Variants in ZNF432 observed in about 807,000 individuals in gnomAD.
ZNF432 encodes the protein zinc finger protein 432.
A neutral mutation model predicts 13.9 loss-of-function variants in ZNF432; 10 were observed. The observed-to-expected ratio is 0.72, with a 90% CI of 0.44 to 1.22. The LOEUF is 1.22. Among genes scored for constraint, ZNF432 ranks in the 50% most tolerant of loss-of-function variants. The pLI is 0.00. For synonymous variants in ZNF432, 247 were observed against 256.2 expected (o/e 0.96, Z 0.34); for missense variants, 793 against 796.2 (o/e 1.00, Z 0.05).
chr19:52,047,686 A>C (rs982291372), intron 1 of ZNF432, among the ~76,000 whole-genome samples: 65 of 149,986 alleles, frequency 4.3e-4, no homozygotes, highest in Non-Finnish European at 8.1e-4. Context: ...AAAAAAAAAA[A>C]ATGTTTATAT....
At position 52,033,654 on chromosome 19, in the gene ZNF432, G is replaced by C. The variant is rs577739288; in HGVS notation, c.*66C>G. On this transcript the variant is annotated 3_prime_UTR_variant, in exon 5 of 5. Coordinates refer to ENST00000221315, the MANE Select transcript of ZNF432 (RefSeq NM_014650.4). Reference sequence around the variant, plus strand: ...AGTACACATGTAGAAAATCTATACTGTGAAATCTCTGATGTTGTACAAGGC... The same window carrying C: ...AGTACACATGTAGAAAATCTATACTCTGAAATCTCTGATGTTGTACAAGGC... 6.7e-7 allele frequency: 1 copy of C among 1,498,588 alleles called. No individual in the cohort carries two copies. Among genetic ancestry groups the C allele is most frequent in the African/African-American group, 1.4e-5 (1 of 71,382 alleles). The allele number at this position is 1,498,588 out of a possible 1,614,324, so 92.8% of individuals were successfully genotyped here.
chr19:52,047,118 T>C (rs2087192266), intron 1 of ZNF432, 58 bp from the exon 2 acceptor site: 1 of 438,838 alleles, frequency 2.3e-6, no homozygotes, highest in African/African-American at 2.0e-5. Flanking sequence ...CCCTGAATAT[T>C]TGTCTCTTTA....
intron 1 of ZNF432, among the ~76,000 whole-genome samples, chr19:52,047,708 T>C (rs1436970382): frequency 6.7e-6 from 1 of 148,654 alleles, no homozygotes; most frequent in Non-Finnish European, 1.5e-5. Flanking sequence ...CACACTTCAA[T>C]ATGAAGAACA....
chr19:52,045,154 T>C (rs1600055399), intron 2 of ZNF432, among the ~76,000 whole-genome samples: 1 of 152,174 alleles, frequency 6.6e-6, no homozygotes, highest in Non-Finnish European at 1.5e-5. Flanking sequence ...GTGATTCCAC[T>C]GAAGCAAAAG....
At position 52,033,967 on chromosome 19, in the gene ZNF432, C is replaced by T. The variant is rs764928241; in HGVS notation, c.1712G>A (p.Cys571Tyr). The change falls in exon 5 of 5, where the codon TGT becomes TAT. Residue 571 changes from cysteine (C) to tyrosine (Y), a missense_variant. Transcript: ENST00000221315. The part of the protein sequence containing the change: ...QIHTEEKSCI[C>Y]SECGRGFAKE... ...GGCAAAGCCTCTTCCACATTCACTACATATACAAGATTTCTCTTCTGTATG... is the reference window on the plus strand; with the variant it reads ...GGCAAAGCCTCTTCCACATTCACTATATATACAAGATTTCTCTTCTGTATG... The T allele has an allele frequency of 6.2e-7, 1 of 1,614,158 alleles. No homozygotes were observed. The highest frequency in any genetic ancestry group is 8.5e-7 in the Non-Finnish European group (1 of 1,180,018).
In ZNF432 at chr19:52,032,588, A is replaced by C. The variant is rs2087025498; in HGVS notation, c.*1132T>G. ...GTAGCTGGGATTACAAGCGTGAGCC[A>C]CCATGCTCGGCTAATTTTGTATTTT... On this transcript the variant is annotated 3_prime_UTR_variant, in exon 5 of 5. Transcript: ENST00000221315. The C allele has an allele frequency of 6.6e-6, 1 of 152,120 alleles. No individual in the cohort carries two copies. 9.4% of individuals were successfully genotyped at this position (152,120 alleles called of 1,614,324 possible).
chr19:52,042,418 A>G (rs2087145312), intron 2 of ZNF432, among the ~76,000 whole-genome samples: 1 of 152,044 alleles, frequency 6.6e-6, no homozygotes, highest in Non-Finnish European at 1.5e-5. Context: ...GTGCGGTGGC[A>G]CACACCTGTG....
At chr19:52,045,846 C>T (rs1166767933) in intron 2 of ZNF432, among the ~76,000 whole-genome samples, 1 of 150,676 alleles carries the variant, frequency 6.6e-6, no homozygotes, top group Non-Finnish European at 1.5e-5. Context: ...AATACAAAAA[C>T]TAGCCAGGCA....
chr19:52,044,255 G>A (rs1359324087), intron 2 of ZNF432, among the ~76,000 whole-genome samples: 1 of 152,000 alleles, frequency 6.6e-6, no homozygotes, highest in African/African-American at 2.4e-5. Context: ...GAAAAAAAAT[G>A]TAGGTTTCTA....
Position 52,034,805 on chromosome 19 carries a change from T to C in ZNF432, c.874A>G (p.Asn292Asp). ...CCTGGGAAGCCTTTTCCACATTCAT[T>C]GCATATGTAGGGTTTCTCTCCAGTA... ...THTGEKPYICNECGKGFPGKR... is the reference protein window; with the variant it reads ...THTGEKPYICDECGKGFPGKR... The change falls in exon 5 of 5, where the codon AAT becomes GAT. Residue 292 changes from asparagine (N) to aspartate (D), a missense_variant. Physicochemically the swap from Asn to Asp is conservative, Grantham distance 23 (BLOSUM62 1). Coordinates refer to ENST00000221315, the MANE Select transcript of ZNF432 (RefSeq NM_014650.4). 1.9e-6 allele frequency: 3 copies of C among 1,612,662 alleles called. No individual in the cohort carries two copies. Among genetic ancestry groups the C allele is most frequent in the South Asian group, 2.2e-5 (2 of 90,790 alleles).
intron 2 of ZNF432, among the ~76,000 whole-genome samples, chr19:52,044,332 T>C (rs1416019907): frequency 6.6e-6 from 1 of 151,714 alleles, no homozygotes; most frequent in Non-Finnish European, 1.5e-5. Flanking sequence ...AAAGAACCTG[T>C]GGAAGCAGAA....
intron 2 of ZNF432, among the ~76,000 whole-genome samples, chr19:52,044,845 TAC>T (rs773497288): frequency 3.9e-5 from 6 of 152,362 alleles, no homozygotes; most frequent in East Asian, 3.9e-4. Flanking sequence ...TGGAATTTTA[TAC>T]AGTCAATATT....
intron 2 of ZNF432, among the ~76,000 whole-genome samples, chr19:52,045,674 C>G (rs2123162237): frequency 6.7e-6 from 1 of 149,522 alleles, no homozygotes; most frequent in Non-Finnish European, 1.5e-5. Flanking sequence ...ACTTTTTTAA[C>G]CAGTGTGTAC....
At position 52,033,865 on chromosome 19, in the gene ZNF432, C is replaced by A. The variant is rs778228770; in HGVS notation, c.1814G>T (p.Gly605Val). The stretch of plus-strand genomic sequence containing the variant: ...AATTAGACGGCTCTTCATAGTGAAG[C>A]CTTTACCACATTCATTACATCCATA... ...KPYGCNECGKGFTMKSRLIVH... is the reference protein window; with the variant it reads ...KPYGCNECGKVFTMKSRLIVH... The change falls in exon 5 of 5, where the codon GGC becomes GTC. Residue 605 changes from glycine to valine, a missense_variant. Coordinates refer to ENST00000221315, the MANE Select transcript of ZNF432 (RefSeq NM_014650.4). The A allele has an allele frequency of 3.1e-6, 5 of 1,613,936 alleles. No homozygotes were observed. Among genetic ancestry groups the A allele is most frequent in the Non-Finnish European group, 4.2e-6 (5 of 1,180,006 alleles).
chr19:52,036,234 C>T (rs28379522), intron 4 of ZNF432, among the ~76,000 whole-genome samples: 32,841 of 152,104 alleles, frequency 0.22, 3,805 homozygotes, highest in East Asian at 0.38. Flanking sequence ...ATTTGGGATA[C>T]ACAAAATATG....
At chr19:52,040,103 G>A (rs112098501) in intron 4 of ZNF432, among the ~76,000 whole-genome samples, 14 of 152,258 alleles carry the variant, frequency 9.2e-5, no homozygotes, top group African/African-American at 2.6e-4. Flanking sequence ...CAATGCTACC[G>A]TCTAAGATGA....
intron 2 of ZNF432, among the ~76,000 whole-genome samples, chr19:52,042,275 G>A (rs532364759): frequency 2.6e-5 from 4 of 152,300 alleles, no homozygotes; most frequent in Admixed American, 2.6e-4. Flanking sequence ...AGGGCCAGGT[G>A]TGGTGGCTCA....
rs940270139 is a variant in ZNF432 at position 52,031,390 on chromosome 19, A to G, written c.*2330T>C. 15 of 152,230 alleles carry G rather than the reference A, an allele frequency of 9.9e-5. No homozygotes were observed. Among genetic ancestry groups the G allele is most frequent in the African/African-American group, 3.4e-4 (14 of 41,454 alleles). 9.4% of individuals were successfully genotyped at this position (152,230 alleles called of 1,614,324 possible). ...CGTTCGCACAATATCGGGTACACAA[A>G]TAGTCACAGCATCTTTATTTATAAC... On this transcript the variant is annotated 3_prime_UTR_variant, in exon 5 of 5. Transcript: ENST00000221315.
chr19:52,040,720 A>C, intron 3 of ZNF432, 137 bp from the exon 4 acceptor site: 1 of 665,034 alleles, frequency 1.5e-6, no homozygotes, highest in Non-Finnish European at 2.6e-6. Flanking sequence ...AGGGCAGATT[A>C]CAGTCAGACC....
Sources: allele counts gnomAD v4.1 joint callset (sites outside exome capture counted in the v4.1 genomes callset), GRCh38; gene constraint gnomAD v4.1.1; transcripts MANE v1.5; gene names NCBI Gene and HGNC (gene_info 2026-07-23, HGNC 2026-07-21).